Variants in ADTRP observed in about 807,000 individuals in gnomAD.
ADTRP encodes the protein androgen dependent TFPI regulating protein, also known as androgen-dependent TFPI-regulating protein.
In ADTRP, 20 loss-of-function variants were observed where a neutral mutation model predicts 27.0. The observed-to-expected ratio is 0.74, with a 90% CI of 0.52 to 1.08. ADTRP has a LOEUF of 1.08. Ranked by LOEUF, ADTRP falls within the 50% of genes least tolerant of loss-of-function variation. ADTRP has a pLI of 0.00. For synonymous variants in ADTRP, 101 were observed against 105.2 expected (o/e 0.96, Z 0.25); for missense variants, 251 against 275.0 (o/e 0.91, Z 0.62).
chr6:11,743,161 A>G (rs1762769196), intron 3 of ADTRP, among the ~76,000 whole-genome samples: 1 of 152,140 alleles, frequency 6.6e-6, no homozygotes, highest in African/African-American at 2.4e-5. Flanking sequence ...GCTTAACAGT[A>G]TTCCATTTGG....
intron 3 of ADTRP, among the ~76,000 whole-genome samples, chr6:11,745,792 T>TC (rs917103734): frequency 1.5e-4 from 23 of 148,470 alleles, no homozygotes; most frequent in African/African-American, 5.6e-4. Flanking sequence ...ACATTTTTTT[T>TC]CTTTTTTGTT....
chr6:11,732,689 C>A (rs113258516), intron 4 of ADTRP, among the ~76,000 whole-genome samples: 315 of 152,284 alleles, frequency 2.1e-3, no homozygotes, highest in African/African-American at 7.3e-3. Context: ...AGGACGAAAT[C>A]CCAAACCACC....
In ADTRP at chr6:11,714,360, C is replaced by T. The variant is rs1378163282; in HGVS notation, c.*118G>A. ...TCTTATTAAATTTAAGTATCACTCT[C>T]TGTCCCTCCTACTTTGCTATGTTCC... On this transcript the variant is annotated 3_prime_UTR_variant, in exon 6 of 6. Coordinates refer to ENST00000414691, the MANE Select transcript of ADTRP (RefSeq NM_032744.4). 1.7e-6 allele frequency: 2 copies of T among 1,156,230 alleles called. No homozygotes were observed. The highest frequency in any genetic ancestry group is 1.4e-5 in the South Asian group (1 of 72,280). The allele number at this position is 1,156,230 out of a possible 1,614,324, so 71.6% of individuals were successfully genotyped here.
At chr6:11,773,306 C>T (rs781555804) in intron 1 of ADTRP, among the ~76,000 whole-genome samples, 2 of 152,216 alleles carry the variant, frequency 1.3e-5, no homozygotes, top group Middle Eastern at 6.8e-3. Context: ...GGTCAGGTTC[C>T]GTGGGAAACA....
intron 5 of ADTRP, chr6:11,717,288 T>C (rs1278076831): frequency 7.7e-7 from 1 of 1,303,324 alleles, no homozygotes; most frequent in Non-Finnish European, 1.0e-6. Context: ...TAGAAATATT[T>C]TTATAGCCCT....
chr6:11,756,119 G>A (rs1345360803), intron 3 of ADTRP, among the ~76,000 whole-genome samples: 1 of 152,116 alleles, frequency 6.6e-6, no homozygotes. Context: ...GCTCACATCT[G>A]TAATCCCAAC....
intron 3 of ADTRP, among the ~76,000 whole-genome samples, chr6:11,759,507 A>T (rs2294416): frequency 0.44 from 67,249 of 151,490 alleles, 15,172 homozygotes; most frequent in Non-Finnish European, 0.47. Flanking sequence ...TTTTTTTTTT[A>T]AAAAAGAAAA....
intron 3 of ADTRP, among the ~76,000 whole-genome samples, chr6:11,746,705 T>C (rs1434037381): frequency 6.6e-6 from 1 of 152,182 alleles, no homozygotes; most frequent in African/African-American, 2.4e-5. Context: ...TCCAATGTTG[T>C]GGAGTGGTAT....
At chr6:11,718,512 C>T (rs1761907494) in intron 5 of ADTRP, among the ~76,000 whole-genome samples, 1 of 152,204 alleles carries the variant, frequency 6.6e-6, no homozygotes, top group Non-Finnish European at 1.5e-5. Flanking sequence ...TCCTGATTGC[C>T]TCTTGCCCCC....
At chr6:11,740,709 A>G (rs1762688325) in intron 3 of ADTRP, among the ~76,000 whole-genome samples, 1 of 152,142 alleles carries the variant, frequency 6.6e-6, no homozygotes. Flanking sequence ...CTGTGCTACA[A>G]TTTCTGCCTC....
intron 1 of ADTRP, among the ~76,000 whole-genome samples, chr6:11,771,110 GGGGAAAGAACGCATTACTCA>G (rs1763763192): frequency 6.6e-6 from 1 of 151,146 alleles, no homozygotes; most frequent in South Asian, 2.1e-4. Flanking sequence ...AATCGGATTG[GGGGAAAGAACGCATTACTCA>G]GATCCTCCGG....
intron 3 of ADTRP, among the ~76,000 whole-genome samples, chr6:11,754,188 T>C (rs1330701317): frequency 1.3e-5 from 2 of 152,208 alleles, no homozygotes; most frequent in African/African-American, 4.8e-5. Context: ...TCACATGGCT[T>C]AACATGCATG....
intron 4 of ADTRP, among the ~76,000 whole-genome samples, chr6:11,730,499 A>C (rs1762350211): frequency 6.6e-6 from 1 of 152,206 alleles, no homozygotes; most frequent in Non-Finnish European, 1.5e-5. Flanking sequence ...AGAATTGCTG[A>C]TTCTGGAAAT....
intron 3 of ADTRP, among the ~76,000 whole-genome samples, chr6:11,762,863 G>C (rs1342108159): frequency 6.6e-6 from 1 of 152,130 alleles, no homozygotes; most frequent in Non-Finnish European, 1.5e-5. Flanking sequence ...AGCTCCCCTC[G>C]GGTTAGGATC....
At chr6:11,717,387 C>T (rs1561737405) in intron 5 of ADTRP, 5 of 1,304,268 alleles carry the variant, frequency 3.8e-6, no homozygotes, top group Non-Finnish European at 5.1e-6. Flanking sequence ...AGATTCTAGC[C>T]TCCATCTTTG....
chr6:11,717,794 G>C (rs6934084), intron 5 of ADTRP, among the ~76,000 whole-genome samples: 83,578 of 152,112 alleles, frequency 0.55, 24,240 homozygotes, highest in Non-Finnish European at 0.66. Context: ...GGCAGGGAGG[G>C]TAATCCACAG....
At chr6:11,744,090 G>C (rs1762795534) in intron 3 of ADTRP, among the ~76,000 whole-genome samples, 3 of 152,176 alleles carry the variant, frequency 2.0e-5, no homozygotes, top group South Asian at 2.1e-4. Flanking sequence ...GTGTGTTTGA[G>C]TAATGAGTGA....
At chr6:11,744,718 A>G (rs996676131) in intron 3 of ADTRP, among the ~76,000 whole-genome samples, 1 of 152,156 alleles carries the variant, frequency 6.6e-6, no homozygotes, top group Non-Finnish European at 1.5e-5. Flanking sequence ...GACTTGTTTT[A>G]AAGACAGAAA....
At chr6:11,749,809 C>T (rs1247289595) in intron 3 of ADTRP, among the ~76,000 whole-genome samples, 4 of 152,192 alleles carry the variant, frequency 2.6e-5, no homozygotes, top group African/African-American at 9.6e-5. Flanking sequence ...GGGCAACACT[C>T]GGGTTATGTT....
Sources: allele counts gnomAD v4.1 joint callset (sites outside exome capture counted in the v4.1 genomes callset), GRCh38; gene constraint gnomAD v4.1.1; transcripts MANE v1.5; gene names NCBI Gene and HGNC (gene_info 2026-07-23, HGNC 2026-07-21).